The following FRMPD3 variants were observed in gnomAD, a reference collection of about 807,000 sequenced individuals.
The protein encoded by FRMPD3 is FERM and PDZ domain containing 3.
FRMPD3 carries 42 observed loss-of-function variants against 97.9 expected under a neutral mutation model. The ratio of observed to expected loss-of-function variants is 0.43; its 90% CI spans 0.34 to 0.55. FRMPD3 has a LOEUF of 0.55. Ranked by LOEUF, FRMPD3 falls within the 20% of genes least tolerant of loss-of-function variation. The probability of loss-of-function intolerance (pLI) is 0.03; values close to 1 mark genes in which losing one functional copy is unlikely to be tolerated. For synonymous variants in FRMPD3, 577 were observed against 581.1 expected, an observed-to-expected ratio of 0.99 and a Z score of 0.10; for missense variants, 1,303 against 1,457.7, an observed-to-expected ratio of 0.89 and a Z score of 1.73.
At chrX:107,593,791 A>G (rs938177153) in intron 13 of FRMPD3, among the ~76,000 whole-genome samples, 1 of 111,805 alleles carries the variant, frequency 8.9e-6, no homozygotes, top group Non-Finnish European at 1.9e-5. Context: ...CTCGTAGTAT[A>G]GTTTGAAATC....
chrX:107,601,682 C>T lies in FRMPD3; in HGVS notation c.3643C>T (p.Arg1215Trp), dbSNP rs375298972. ...AKPKSSRGPF[R>W]LRNLFSATFP... ...ACCCAAGTCATCCCGAGGTCCTTTC[C>T]GGCTACGCAATTTATTCTCTGCCAC... Residue 1215 changes from arginine (R) to tryptophan (W), a missense_variant, in exon 15 of 15, where the codon CGG becomes TGG. Coordinates refer to ENST00000683843, the MANE Select transcript of FRMPD3 (RefSeq NM_001388459.1). The T allele has an allele frequency of 7.6e-4, 916 of 1,209,793 alleles. 1 individual carries two copies. In the African/African-American group the frequency reaches 0.013, roughly 17 times the overall value.
Position 107,567,480 on chromosome X carries a change from G to T in FRMPD3, c.1296+2414G>T, listed in dbSNP as rs759690861. Among the ~76,000 whole-genome samples the T allele has an allele frequency of 3.6e-5, 4 of 112,530 alleles. No homozygotes were observed. The South Asian group carries it at 1.5e-3, about 41-fold the overall frequency. On this transcript the variant is annotated intron_variant, in intron 12 of 14. Transcript: ENST00000683843. Reference sequence around the variant, plus strand: ...CAAAAGAACAGGAAGGAGTTAATCAGATCTGGCTTCCCACAAGAGGGTGTT... The same window carrying T: ...CAAAAGAACAGGAAGGAGTTAATCATATCTGGCTTCCCACAAGAGGGTGTT...
At chrX:107,509,196 A>G (rs1223638152) in intron 1 of FRMPD3, among the ~76,000 whole-genome samples, 1 of 112,165 alleles carries the variant, frequency 8.9e-6, no homozygotes, top group African/African-American at 3.2e-5. Context: ...ATAGCTCCTC[A>G]CTGTTGGCCC....
chrX:107,601,213 T>C lies in FRMPD3; in HGVS notation c.3174T>C (p.Asn1058=). 1 of 1,208,321 alleles carries C rather than the reference T, an allele frequency of 8.3e-7. No homozygotes were observed. Among genetic ancestry groups the C allele is most frequent in the Non-Finnish European group, 1.1e-6 (1 of 893,751 alleles). Residue 1058 remains asparagine, a synonymous_variant, in exon 15 of 15, where the codon AAT becomes AAC. Coordinates refer to ENST00000683843, the MANE Select transcript of FRMPD3 (RefSeq NM_001388459.1). ...AAGAGGACAGTCTGCCTGTTCAAAA[T>C]TTCCCTCCCAAAAGCTATCTTTTGC... ...SQQEDSLPVQ[N]FPPKSYLLRT...
chrX:107,487,247 C>G (rs926077197), intron 1 of FRMPD3, among the ~76,000 whole-genome samples: 6 of 110,274 alleles, frequency 5.4e-5, no homozygotes, highest in African/African-American at 9.9e-5. Context: ...GAGCAAGACT[C>G]CATCTCAAAA....
At chrX:107,565,702 A>T (rs777937003) in intron 12 of FRMPD3, among the ~76,000 whole-genome samples, 36 of 110,705 alleles carry the variant, frequency 3.3e-4, no homozygotes, top group South Asian at 2.3e-3. Flanking sequence ...CTCAAAAAAA[A>T]AAAATAAAAT....
chrX:107,589,826 TATTTTCA>T (rs1385765512), intron 13 of FRMPD3, among the ~76,000 whole-genome samples: 2 of 112,945 alleles, frequency 1.8e-5, no homozygotes, highest in African/African-American at 6.4e-5. Flanking sequence ...TTTCTGATTT[TATTTTCA>T]GGTTGTTCAT....
At chrX:107,536,087 C>T (rs1923224159) in intron 4 of FRMPD3, among the ~76,000 whole-genome samples, 1 of 111,656 alleles carries the variant, frequency 9.0e-6, no homozygotes, top group African/African-American at 3.3e-5. Context: ...CACTGTGGCT[C>T]CTGTCTGGAA....
chrX:107,591,161 C>CTT (rs1250424424), intron 13 of FRMPD3, among the ~76,000 whole-genome samples: 1 of 100,868 alleles, frequency 9.9e-6, no homozygotes, highest in Non-Finnish European at 2.0e-5. Context: ...TTCTTTCTTT[C>CTT]TTTTTTTTTT....
intron 1 of FRMPD3, among the ~76,000 whole-genome samples, chrX:107,468,844 C>T (rs1931620436): frequency 8.9e-6 from 1 of 112,711 alleles, no homozygotes; most frequent in Admixed American, 9.4e-5. Context: ...GTAGAGGATC[C>T]ATAGTCTTCT....
intron 3 of FRMPD3, among the ~76,000 whole-genome samples, chrX:107,532,488 T>A (rs1359973317): frequency 1.8e-5 from 2 of 112,461 alleles, no homozygotes; most frequent in Non-Finnish European, 3.8e-5. Flanking sequence ...TGGGGAGACA[T>A]GGCAAGGGGC....
intron 3 of FRMPD3, among the ~76,000 whole-genome samples, chrX:107,533,027 G>C (rs886329212): frequency 3.6e-5 from 4 of 111,512 alleles, no homozygotes; most frequent in Non-Finnish European, 7.5e-5. Flanking sequence ...ATGAGTATGA[G>C]TCATGGTGAC....
chrX:107,575,191 G>T (rs897207203), intron 12 of FRMPD3, among the ~76,000 whole-genome samples: 3 of 112,123 alleles, frequency 2.7e-5, no homozygotes, highest in African/African-American at 9.7e-5. Context: ...CAACAACCTT[G>T]TTACCATGAG....
chrX:107,577,888 T>G (rs1385147946), intron 13 of FRMPD3, among the ~76,000 whole-genome samples: 1 of 111,410 alleles, frequency 9.0e-6, no homozygotes, highest in Non-Finnish European at 1.9e-5. Context: ...TGGGAAAGGA[T>G]AGGTGGCCCC....
At chrX:107,537,555 G>A (rs1039912492) in intron 4 of FRMPD3, among the ~76,000 whole-genome samples, 1 of 111,528 alleles carries the variant, frequency 9.0e-6, no homozygotes, top group African/African-American at 3.3e-5. Flanking sequence ...TAATAACACC[G>A]GAGCAGAATC....
chrX:107,492,640 A>G (rs1032438721), intron 1 of FRMPD3, among the ~76,000 whole-genome samples: 10 of 112,092 alleles, frequency 8.9e-5, no homozygotes, highest in Non-Finnish European at 1.9e-4. Flanking sequence ...CCTTGCTAAA[A>G]ATGCAGAATC....
intron 1 of FRMPD3, among the ~76,000 whole-genome samples, chrX:107,501,951 A>G (rs1421558484): frequency 9.1e-6 from 1 of 110,405 alleles, no homozygotes; most frequent in African/African-American, 3.3e-5. Context: ...AACTTACTAC[A>G]TAACATATAA....
chrX:107,524,429 G>A (rs998151112), intron 1 of FRMPD3, among the ~76,000 whole-genome samples: 4 of 112,175 alleles, frequency 3.6e-5, no homozygotes, highest in Non-Finnish European at 7.5e-5. Flanking sequence ...CCTCATCCTA[G>A]CATCCCCTTC....
At chrX:107,598,546 G>A (rs1007625210) in intron 14 of FRMPD3, among the ~76,000 whole-genome samples, 3 of 111,938 alleles carry the variant, frequency 2.7e-5, no homozygotes, top group Non-Finnish European at 5.6e-5. Flanking sequence ...AGTGACCTGG[G>A]ACCAGGGGAG....
Sources: gnomAD v4.1 joint callset for allele counts (sites outside exome capture counted in the v4.1 genomes callset) on GRCh38, gnomAD v4.1.1 for gene constraint, MANE v1.5 for transcripts, NCBI Gene and HGNC (gene_info 2026-07-23, HGNC 2026-07-21) for gene names.